Variants in FDX1 observed in about 807,000 individuals in gnomAD.
FDX1 encodes the protein ferredoxin 1, also known as adrenodoxin, mitochondrial.
A neutral mutation model predicts 14.9 loss-of-function variants in FDX1; 9 were observed. That is an observed-to-expected ratio of 0.60 (90% CI 0.36 to 1.05). FDX1 has a LOEUF of 1.05. Ranked by LOEUF, FDX1 falls within the 50% of genes least tolerant of loss-of-function variation. The pLI, the probability that FDX1 is intolerant of heterozygous loss-of-function variation, is 0.01. For missense variants in FDX1, 204 were observed against 237.2 expected (o/e 0.86, Z 0.92); for synonymous variants, 92 against 99.4 (o/e 0.93, Z 0.44).
chr11:110,436,459 A>G (rs1181225370), intron 2 of FDX1, among the ~76,000 whole-genome samples: 4 of 152,172 alleles, frequency 2.6e-5, no homozygotes, highest in East Asian at 1.9e-4. Flanking sequence ...TACCCTGTAT[A>G]TGACCTGTCA....
chr11:110,440,197 A>G (rs1417928316), intron 2 of FDX1, among the ~76,000 whole-genome samples: 1 of 151,794 alleles, frequency 6.6e-6, no homozygotes, highest in Non-Finnish European at 1.5e-5. Context: ...TGGTCTATCC[A>G]TTTTGTTTAT....
Position 110,444,690 on chromosome 11 carries a change from A to ATATATATATATATACG in FDX1, c.310+8747_310+8762dup, listed in dbSNP as rs1555069106. Among the ~76,000 whole-genome samples the ATATATATATATATACG allele has an allele frequency of 1.3e-3, 69 of 54,980 alleles. 1 individual carries two copies. The highest frequency in any genetic ancestry group is 0.012 in the East Asian group (16 of 1,322). 36.1% of individuals were successfully genotyped at this position (54,980 alleles called of 152,430 possible). A position where few individuals can be genotyped will look rare whatever the true frequency, so the allele number is the denominator to read the frequency against. On this transcript the variant is annotated intron_variant, in intron 2 of 3. Transcript: ENST00000260270. ...CGTATATATATATATATATACACGTATATATATATATATACGTATATATAT... is the reference window on the plus strand; with the variant it reads ...CGTATATATATATATATATACACGTATATATATATATATACGTATATATATATATACGTATATATAT...
At chr11:110,435,225 A>G (rs1484193642) in intron 1 of FDX1, among the ~76,000 whole-genome samples, 1 of 151,666 alleles carries the variant, frequency 6.6e-6, no homozygotes, top group Non-Finnish European at 1.5e-5. Flanking sequence ...TAATTATTTT[A>G]TTTTTTGTAA....
At chr11:110,433,969 G>T (rs888264450) in intron 1 of FDX1, among the ~76,000 whole-genome samples, 1 of 152,102 alleles carries the variant, frequency 6.6e-6, no homozygotes. Context: ...GTAGTAATAA[G>T]AATAACAACT....
rs1946318908 is a variant in FDX1 at position 110,430,077 on chromosome 11, A to G, written c.-44A>G. 2 of 1,205,070 alleles carry G rather than the reference A, an allele frequency of 1.7e-6. No homozygotes were observed. Among genetic ancestry groups the G allele is most frequent in the Non-Finnish European group, 2.1e-6 (2 of 968,958 alleles). The allele number at this position is 1,205,070 out of a possible 1,614,324, so 74.6% of individuals were successfully genotyped here. ...CCTCTTTGGAGTCTCTCGCGGCCTC[A>G]AAGCGCGGCCTGCGTCGCTTCCGGC... On this transcript the variant is annotated 5_prime_UTR_variant, in exon 1 of 4. Coordinates refer to ENST00000260270, the MANE Select transcript of FDX1 (RefSeq NM_004109.5).
At chr11:110,436,408 G>C (rs1398793314) in intron 2 of FDX1, among the ~76,000 whole-genome samples, 2 of 152,176 alleles carry the variant, frequency 1.3e-5, no homozygotes, top group African/African-American at 4.8e-5. Context: ...CACGTGCAAA[G>C]CCTGTGTTCC....
chr11:110,435,490 T>C (rs1283379606), intron 1 of FDX1, among the ~76,000 whole-genome samples: 9 of 152,248 alleles, frequency 5.9e-5, no homozygotes, highest in Admixed American at 5.9e-4. Flanking sequence ...GTAGTAGAGC[T>C]TATTACCTGG....
At chr11:110,445,417 C>T (rs1286198116) in intron 2 of FDX1, among the ~76,000 whole-genome samples, 2 of 151,950 alleles carry the variant, frequency 1.3e-5, no homozygotes, top group Non-Finnish European at 2.9e-5. Context: ...TTTTTTTAAA[C>T]CGCAGGTGAC....
chr11:110,454,939 C>T (rs57381065), intron 2 of FDX1, among the ~76,000 whole-genome samples: 1,730 of 152,286 alleles, frequency 0.011, 32 homozygotes, highest in African/African-American at 0.039. Context: ...CATAATTCTA[C>T]TGTTGCTTTG....
chr11:110,444,741 TATAC>T lies in FDX1; in HGVS notation c.310+8785_310+8788del, dbSNP rs1373670791. ...ATATATACGTATATATATATATATA[TATAC>T]ACGTATATATATATATATATATTTG... On this transcript the variant is annotated intron_variant, in intron 2 of 3. Coordinates refer to ENST00000260270, the MANE Select transcript of FDX1 (RefSeq NM_004109.5). Among the ~76,000 whole-genome samples the T allele has an allele frequency of 9.0e-4, 47 of 52,350 alleles. 3 individuals carry two copies. Among genetic ancestry groups the T allele is most frequent in the African/African-American group, 4.0e-3 (38 of 9,596 alleles). The allele number at this position is 52,350 out of a possible 152,430, so 34.3% of individuals were successfully genotyped here.
intron 2 of FDX1, among the ~76,000 whole-genome samples, chr11:110,438,972 C>T (rs542926492): frequency 4.3e-4 from 65 of 152,172 alleles, no homozygotes; most frequent in South Asian, 1.7e-3. Flanking sequence ...GATGTGATCT[C>T]GGCTTGCTGA....
rs186038069 is a variant in FDX1 at position 110,464,807 on chromosome 11, A to G, written c.*2339A>G. On this transcript the variant is annotated 3_prime_UTR_variant, in exon 4 of 4. Transcript: ENST00000260270. Reference sequence around the variant, plus strand: ...TATAAATTGTCTTATATTTCAAATTAGAAAAGTTCAAATGAAGTTTAATTG... The same window carrying G: ...TATAAATTGTCTTATATTTCAAATTGGAAAAGTTCAAATGAAGTTTAATTG... The G allele has an allele frequency of 1.3e-5, 2 of 152,376 alleles. No homozygotes were observed. The highest frequency in any genetic ancestry group is 1.9e-4 in the East Asian group (1 of 5,192). 9.4% of individuals were successfully genotyped at this position (152,376 alleles called of 1,614,324 possible).
At chr11:110,447,556 T>C (rs1280659000) in intron 2 of FDX1, among the ~76,000 whole-genome samples, 1 of 152,148 alleles carries the variant, frequency 6.6e-6, no homozygotes, top group African/African-American at 2.4e-5. Flanking sequence ...CTGCCACTCT[T>C]CCTCTTTTTT....
At chr11:110,435,807 A>G (rs1302809351) in intron 1 of FDX1, 27 bp from the exon 2 acceptor site, 1 of 1,550,414 alleles carries the variant, frequency 6.4e-7, no homozygotes, top group Non-Finnish European at 8.8e-7. Flanking sequence ...ATTACTAAAA[A>G]TACTAAAGGA....
At chr11:110,432,451 G>C (rs1430537982) in intron 1 of FDX1, among the ~76,000 whole-genome samples, 1 of 152,140 alleles carries the variant, frequency 6.6e-6, no homozygotes, top group Non-Finnish European at 1.5e-5. Context: ...TGGGGGCACA[G>C]GTGGTGTTTG....
intron 2 of FDX1, 22 bp from the exon 3 acceptor site, chr11:110,456,896 C>T (rs746369130): frequency 4.4e-6 from 7 of 1,602,858 alleles, no homozygotes; most frequent in Non-Finnish European, 6.0e-6. Context: ...GGACTATGTT[C>T]AGTGTTTGTT....
intron 1 of FDX1, among the ~76,000 whole-genome samples, chr11:110,433,002 T>C (rs1321249022): frequency 6.6e-6 from 1 of 152,204 alleles, no homozygotes; most frequent in Non-Finnish European, 1.5e-5. Context: ...TTCTACTATG[T>C]GTTACGTATT....
intron 1 of FDX1, among the ~76,000 whole-genome samples, chr11:110,432,414 T>C (rs747539483): frequency 4.6e-5 from 7 of 152,218 alleles, no homozygotes; most frequent in Non-Finnish European, 8.8e-5. Context: ...TTTAAATTTC[T>C]ATTTATTTTT....
At chr11:110,451,669 A>G (rs1052026036) in intron 2 of FDX1, among the ~76,000 whole-genome samples, 1 of 152,250 alleles carries the variant, frequency 6.6e-6, no homozygotes, top group Admixed American at 6.5e-5. Context: ...CACAATAGCA[A>G]AGACATAGAA....
Sources: gnomAD v4.1 joint callset for allele counts (sites outside exome capture counted in the v4.1 genomes callset) on GRCh38, gnomAD v4.1.1 for gene constraint, MANE v1.5 for transcripts, NCBI Gene and HGNC (gene_info 2026-07-23, HGNC 2026-07-21) for gene names.